Variants in STYX observed in about 807,000 individuals in gnomAD.
The protein encoded by STYX is serine/threonine/tyrosine-interacting protein.
In STYX, 20 loss-of-function variants were observed where a neutral mutation model predicts 42.7. The ratio of observed to expected loss-of-function variants is 0.47; its 90% CI spans 0.33 to 0.68. The LOEUF is 0.68. Among genes scored for constraint, STYX ranks in the 30% least tolerant of loss-of-function variants. The probability of loss-of-function intolerance (pLI) is 0.02; values close to 1 mark genes in which losing one functional copy is unlikely to be tolerated. For synonymous variants in STYX, 78 were observed against 81.9 expected (o/e 0.95, Z 0.26); for missense variants, 226 against 268.5 (o/e 0.84, Z 1.11).
chr14:52,752,481 T>A (rs928304348), intron 4 of STYX, among the ~76,000 whole-genome samples: 11 of 151,662 alleles, frequency 7.3e-5, no homozygotes, highest in South Asian at 6.3e-4. Flanking sequence ...AAAAAAAAAA[T>A]TTAATGCTCT....
Position 52,730,427 on chromosome 14 carries a change from G to C in STYX, c.-48G>C. ...CCGCAGCCAGCCCGAGGGTCGGCCG[G>C]CTGTGTAACACTCTCCCACCCCACC... On this transcript the variant is annotated 5_prime_UTR_variant, in exon 1 of 11. Coordinates refer to ENST00000354586, the MANE Select transcript of STYX (RefSeq NM_145251.4). 4 of 1,602,638 alleles carry C rather than the reference G, an allele frequency of 2.5e-6. No individual in the cohort carries two copies. Among genetic ancestry groups the C allele is most frequent in the Non-Finnish European group, 3.4e-6 (4 of 1,174,048 alleles).
At chr14:52,741,088 T>C (rs1280649857) in intron 1 of STYX, among the ~76,000 whole-genome samples, 3 of 152,148 alleles carry the variant, frequency 2.0e-5, no homozygotes, top group African/African-American at 7.2e-5. Flanking sequence ...TCGTAGACTT[T>C]TATCCCTGAG....
At chr14:52,731,621 G>C (rs1259935591) in intron 1 of STYX, 1 of 151,600 alleles carries the variant, frequency 6.6e-6, no homozygotes, top group East Asian at 1.9e-4. Context: ...TGTTTTTAGG[G>C]GAGACGGGTT....
At position 52,773,908 on chromosome 14, in the gene STYX, GT is replaced by G. The variant is rs1188075591; in HGVS notation, c.*2803del. 2 of 152,138 alleles carry G rather than the reference GT, an allele frequency of 1.3e-5. No individual in the cohort carries two copies. Among genetic ancestry groups the G allele is most frequent in the Non-Finnish European group, 2.9e-5 (2 of 68,022 alleles). The allele number at this position is 152,138 out of a possible 1,614,324, so 9.4% of individuals were successfully genotyped here. A position where few individuals can be genotyped will look rare whatever the true frequency, so the allele number is the denominator to read the frequency against. The stretch of plus-strand genomic sequence containing the variant: ...TGACCACCCAATTCCAACATTAAAA[GT>G]GTAATCTGGGCCCATAATTTATAGT... On this transcript the variant is annotated 3_prime_UTR_variant, in exon 11 of 11. Transcript: ENST00000354586.
intron 8 of STYX, among the ~76,000 whole-genome samples, chr14:52,758,361 A>G (rs924616648): frequency 6.6e-6 from 1 of 152,152 alleles, no homozygotes. Flanking sequence ...TTTTTAAAAG[A>G]TAGGGGGTGG....
In STYX at chr14:52,773,857, T is replaced by C. The variant is rs564358559; in HGVS notation, c.*2751T>C. On this transcript the variant is annotated 3_prime_UTR_variant, in exon 11 of 11. Coordinates refer to ENST00000354586, the MANE Select transcript of STYX (RefSeq NM_145251.4). ...AAATTTAACTGATCATGATTTATCT[T>C]CTAGAGTATTTAAATAATGTATGAG... 1 of 152,314 alleles carries C rather than the reference T, an allele frequency of 6.6e-6. No homozygotes were observed. The highest frequency in any genetic ancestry group is 1.9e-4 in the East Asian group (1 of 5,188). 9.4% of individuals were successfully genotyped at this position (152,314 alleles called of 1,614,324 possible).
intron 10 of STYX, among the ~76,000 whole-genome samples, chr14:52,769,933 AT>A (rs1470156257): frequency 2.6e-5 from 4 of 151,818 alleles, no homozygotes; most frequent in Non-Finnish European, 1.5e-5. Context: ...TGCCCTTCTG[AT>A]TTTTTGGTTT....
In STYX at chr14:52,755,121, G is replaced by GTT. The variant is rs537098365; in HGVS notation, c.243-1418_243-1417dup. Among the ~76,000 whole-genome samples the GTT allele has an allele frequency of 6.9e-3, 953 of 139,026 alleles. 13 individuals carry two copies. Among genetic ancestry groups the GTT allele is most frequent in the African/African-American group, 0.017 (649 of 37,736 alleles). 91.2% of individuals were successfully genotyped at this position (139,026 alleles called of 152,430 possible). A position where few individuals can be genotyped will look rare whatever the true frequency, so the allele number is the denominator to read the frequency against. On this transcript the variant is annotated intron_variant, in intron 4 of 10. Coordinates refer to ENST00000354586, the MANE Select transcript of STYX (RefSeq NM_145251.4). The stretch of plus-strand genomic sequence containing the variant: ...TGTGTTTTTTTTTGTTTGTTTTTTT[G>GTT]TTTTTTTTTTTTTGTTTTTGAAACA...
rs1247105910 is a variant in STYX, at chr14:52,772,699, TAA to T, written c.*1596_*1597del. On this transcript the variant is annotated 3_prime_UTR_variant, in exon 11 of 11. Coordinates refer to ENST00000354586, the MANE Select transcript of STYX (RefSeq NM_145251.4). Reference sequence around the variant, plus strand: ...TCCTCTCTATGATGTGATAATACAGTAAAAGCTTTCTTACCCAGCATAGTGGG... The same window carrying T: ...TCCTCTCTATGATGTGATAATACAGTAAGCTTTCTTACCCAGCATAGTGGG... 5 of 152,578 alleles carry T rather than the reference TAA, an allele frequency of 3.3e-5. No individual in the cohort carries two copies. The highest frequency in any genetic ancestry group is 1.2e-4 in the African/African-American group (5 of 41,430). The allele number at this position is 152,578 out of a possible 1,614,324, so 9.5% of individuals were successfully genotyped here. A position where few individuals can be genotyped will look rare whatever the true frequency, so the allele number is the denominator to read the frequency against.
chr14:52,749,873 G>A (rs991027403), intron 3 of STYX, among the ~76,000 whole-genome samples: 8 of 152,172 alleles, frequency 5.3e-5, no homozygotes, highest in Non-Finnish European at 1.2e-4. Context: ...CTGACCCCAT[G>A]TAATGGGTCA....
At chr14:52,736,018 A>G (rs1215366556) in intron 1 of STYX, among the ~76,000 whole-genome samples, 2 of 152,108 alleles carry the variant, frequency 1.3e-5, no homozygotes, top group Admixed American at 6.6e-5. Context: ...ATACCTCTCT[A>G]ACCTCATTAT....
intron 4 of STYX, among the ~76,000 whole-genome samples, chr14:52,754,078 C>T (rs1594874820): frequency 1.3e-5 from 2 of 151,272 alleles, no homozygotes; most frequent in African/African-American, 4.9e-5. Flanking sequence ...TTAGTAGAGA[C>T]GGGGTTTCAC....
At chr14:52,746,392 T>C (rs1347355096) in intron 2 of STYX, 34 bp from the exon 3 acceptor site, 2 of 1,510,440 alleles carry the variant, frequency 1.3e-6, no homozygotes, top group South Asian at 1.2e-5. Flanking sequence ...TTTAAATTGC[T>C]GATGGTAAAT....
At chr14:52,738,281 T>C (rs1881042263) in intron 1 of STYX, among the ~76,000 whole-genome samples, 1 of 152,242 alleles carries the variant, frequency 6.6e-6, no homozygotes. Context: ...TTATCTGTCC[T>C]GTGACTAGGA....
intron 7 of STYX, 26 bp downstream of exon 7, chr14:52,757,808 T>C: frequency 6.2e-7 from 1 of 1,613,128 alleles, no homozygotes. Context: ...TAATCTTTCT[T>C]TCTATAACAT....
chr14:52,746,320 G>T, intron 2 of STYX, 106 bp from the exon 3 acceptor site: 1 of 719,704 alleles, frequency 1.4e-6, no homozygotes, highest in Non-Finnish European at 2.2e-6. Context: ...CAATCTTGTT[G>T]TATCTTGTGC....
chr14:52,771,005 CT>C (rs745535213), intron 10 of STYX, 27 bp from the exon 11 acceptor site: 1 of 1,604,544 alleles, frequency 6.2e-7, no homozygotes, highest in Non-Finnish European at 8.5e-7. Context: ...TTTTAGTGCC[CT>C]TTTAATCTTC....
intron 8 of STYX, among the ~76,000 whole-genome samples, chr14:52,759,117 C>T (rs1881991705): frequency 6.6e-6 from 1 of 151,850 alleles, no homozygotes; most frequent in Non-Finnish European, 1.5e-5. Context: ...GCACAAAATG[C>T]TTACATTTTA....
At position 52,772,816 on chromosome 14, in the gene STYX, CTCTTA is replaced by C. The variant is rs1882564945; in HGVS notation, c.*1716_*1720del. 1.3e-5 allele frequency: 2 copies of C among 151,818 alleles called. No homozygotes were observed. Among genetic ancestry groups the C allele is most frequent in the Non-Finnish European group, 2.9e-5 (2 of 67,972 alleles). The allele number at this position is 151,818 out of a possible 1,614,324, so 9.4% of individuals were successfully genotyped here. A position where few individuals can be genotyped will look rare whatever the true frequency, so the allele number is the denominator to read the frequency against. On this transcript the variant is annotated 3_prime_UTR_variant, in exon 11 of 11. Coordinates refer to ENST00000354586, the MANE Select transcript of STYX (RefSeq NM_145251.4). ...CTTCTGATTTCCCTCCCCTTCCCTT[CTCTTA>C]TCTTACCACTGTGAAAACAGCATAT...
Sources: allele counts gnomAD v4.1 joint callset (sites outside exome capture counted in the v4.1 genomes callset), GRCh38; gene constraint gnomAD v4.1.1; transcripts MANE v1.5; gene names NCBI Gene and HGNC (gene_info 2026-07-23, HGNC 2026-07-21).